The following NRXN3 variants were observed in gnomAD, a reference collection of about 807,000 sequenced individuals.
NRXN3 encodes neurexin III.
A neutral mutation model predicts 137.6 loss-of-function variants in NRXN3; 32 were observed. That is an observed-to-expected ratio of 0.23 (90% CI 0.18 to 0.31). NRXN3 has a LOEUF of 0.31. Among genes scored for constraint, NRXN3 ranks in the 10% least tolerant of loss-of-function variants. NRXN3 has a pLI of 1.00. For synonymous variants in NRXN3, 798 were observed against 784.5 expected (o/e 1.02, Z -0.29); for missense variants, 1,574 against 2,062.5 (o/e 0.76, Z 4.59).
At chr14:78,385,078 G>T (rs1450139268) in intron 4 of NRXN3, among the ~76,000 whole-genome samples, 1 of 152,032 alleles carries the variant, frequency 6.6e-6, no homozygotes, top group Non-Finnish European at 1.5e-5. Flanking sequence ...ATCTGCTAAA[G>T]AATTGAGAGG....
intron 4 of NRXN3, among the ~76,000 whole-genome samples, chr14:78,425,205 T>G (rs535102830): frequency 6.6e-6 from 1 of 152,348 alleles, no homozygotes; most frequent in Admixed American, 6.5e-5. Flanking sequence ...TATTTAATTT[T>G]TGAAAGTCTC....
At chr14:78,463,468 T>C (rs1217627023) in intron 4 of NRXN3, among the ~76,000 whole-genome samples, 3 of 151,806 alleles carry the variant, frequency 2.0e-5, no homozygotes, top group Non-Finnish European at 2.9e-5. Flanking sequence ...CTTTGAGAAA[T>C]CTCCATACTA....
intron 15 of NRXN3, among the ~76,000 whole-genome samples, chr14:79,231,802 C>T (rs2072254228): frequency 6.6e-6 from 1 of 152,016 alleles, no homozygotes; most frequent in South Asian, 2.1e-4. Context: ...AGTCAGCAGC[C>T]TTTTGTTTTA....
intron 4 of NRXN3, among the ~76,000 whole-genome samples, chr14:78,637,505 G>A (rs528018457): frequency 6.6e-6 from 1 of 152,232 alleles, no homozygotes; most frequent in African/African-American, 2.4e-5. Context: ...CTGGGAACTG[G>A]GCCAAGAACT....
chr14:79,151,215 C>A (rs1038254691), intron 15 of NRXN3, among the ~76,000 whole-genome samples: 8 of 152,068 alleles, frequency 5.3e-5, no homozygotes, highest in African/African-American at 1.9e-4. Flanking sequence ...CAAGGGATAC[C>A]ATTTTGCCTT....
intron 4 of NRXN3, among the ~76,000 whole-genome samples, chr14:78,598,288 A>G (rs556639278): frequency 6.6e-6 from 1 of 151,986 alleles, no homozygotes; most frequent in South Asian, 2.1e-4. Context: ...TGCCGCTGAC[A>G]CGTGAGCAAG....
intron 4 of NRXN3, among the ~76,000 whole-genome samples, chr14:78,342,933 A>T (rs765112216): frequency 2.6e-5 from 4 of 152,220 alleles, no homozygotes; most frequent in Admixed American, 6.5e-5. Flanking sequence ...ACTTTTTGCC[A>T]CAGTCATAAT....
chr14:78,807,372 T>C (rs181461912), intron 9 of NRXN3, among the ~76,000 whole-genome samples: 8 of 152,300 alleles, frequency 5.3e-5, no homozygotes, highest in East Asian at 1.9e-4. Flanking sequence ...AAACACATTA[T>C]TGAAGACACA....
At chr14:78,451,352 C>T (rs553232941) in intron 4 of NRXN3, among the ~76,000 whole-genome samples, 1 of 152,322 alleles carries the variant, frequency 6.6e-6, no homozygotes, top group Non-Finnish European at 1.5e-5. Flanking sequence ...AGAGTACCTA[C>T]ATTTCAGTAT....
At chr14:78,229,967 A>G (rs1316023175) in intron 1 of NRXN3, among the ~76,000 whole-genome samples, 2 of 152,146 alleles carry the variant, frequency 1.3e-5, no homozygotes, top group African/African-American at 4.8e-5. Flanking sequence ...GCCATTGACA[A>G]GGATGCTAAG....
intron 4 of NRXN3, among the ~76,000 whole-genome samples, chr14:78,596,636 A>G (rs1272625212): frequency 6.6e-6 from 1 of 152,202 alleles, no homozygotes; most frequent in Non-Finnish European, 1.5e-5. Flanking sequence ...ACAGTCTTAA[A>G]GAGCCATAGA....
intron 15 of NRXN3, among the ~76,000 whole-genome samples, chr14:79,257,388 ATGGTGGTGG>A (rs1555899794): frequency 6.4e-5 from 2 of 31,456 alleles, no homozygotes; most frequent in Non-Finnish European, 5.8e-5. Flanking sequence ...GGTGGTGGTG[ATGGTGGTGG>A]TGGTGGTGGT....
intron 15 of NRXN3, among the ~76,000 whole-genome samples, chr14:79,403,722 G>A (rs1208998960): frequency 1.3e-5 from 2 of 152,096 alleles, no homozygotes; most frequent in Non-Finnish European, 2.9e-5. Flanking sequence ...TTTGACCCTT[G>A]CATGTGAGTG....
intron 15 of NRXN3, among the ~76,000 whole-genome samples, chr14:79,457,952 A>G (rs1335924615): frequency 6.6e-6 from 1 of 152,206 alleles, no homozygotes; most frequent in Non-Finnish European, 1.5e-5. Context: ...AAAATGCTAC[A>G]GAAAAGGCTG....
At chr14:78,779,406 A>C (rs2098760408) in intron 8 of NRXN3, among the ~76,000 whole-genome samples, 1 of 152,134 alleles carries the variant, frequency 6.6e-6, no homozygotes, top group Non-Finnish European at 1.5e-5. Context: ...ACTACAGCAA[A>C]CATATATTTA....
At chr14:79,251,718 T>C (rs1052911351) in intron 15 of NRXN3, among the ~76,000 whole-genome samples, 1 of 152,144 alleles carries the variant, frequency 6.6e-6, no homozygotes, top group Non-Finnish European at 1.5e-5. Flanking sequence ...TGACGGGTGA[T>C]AGGAGAAAAA....
At chr14:79,803,061 ATTC>A (rs1227163037) in intron 19 of NRXN3, among the ~76,000 whole-genome samples, 3 of 152,088 alleles carry the variant, frequency 2.0e-5, no homozygotes, top group African/African-American at 7.2e-5. Context: ...AAAAATAAAA[ATTC>A]TTTTTTTCTG....
intron 4 of NRXN3, among the ~76,000 whole-genome samples, chr14:78,636,832 T>TA (rs375104893): frequency 0.015 from 2,316 of 151,446 alleles, 50 homozygotes; most frequent in African/African-American, 0.053. Context: ...TTTTTTTATT[T>TA]TTTATTTTTT....
chr14:78,574,784 G>A (rs923142231), intron 4 of NRXN3, among the ~76,000 whole-genome samples: 4 of 152,190 alleles, frequency 2.6e-5, no homozygotes, highest in Non-Finnish European at 5.9e-5. Context: ...TTAAGACTTT[G>A]GAGGACTGTG....
Sources: gnomAD v4.1 joint callset for allele counts (sites outside exome capture counted in the v4.1 genomes callset) on GRCh38, gnomAD v4.1.1 for gene constraint, MANE v1.5 for transcripts, NCBI Gene and HGNC (gene_info 2026-07-23, HGNC 2026-07-21) for gene names.